TRPM3: variants seen among roughly 807,000 people sequenced by gnomAD.
TRPM3 encodes the protein transient receptor potential cation channel subfamily M member 3.
TRPM3 carries 77 observed loss-of-function variants against 181.2 expected under a neutral mutation model. That is an observed-to-expected ratio of 0.42 (90% CI 0.35 to 0.51). The LOEUF is 0.51. Among genes scored for constraint, TRPM3 ranks in the 20% least tolerant of loss-of-function variants. The pLI, the probability that TRPM3 is intolerant of heterozygous loss-of-function variation, is 0.01. For missense variants in TRPM3, 1,759 were observed against 2,196.7 expected (o/e 0.80, Z 3.98); for synonymous variants, 745 against 796.4 (o/e 0.94, Z 1.09).
At chr9:70,753,583 G>T (rs148460186) in intron 8 of TRPM3, among the ~76,000 whole-genome samples, 305 of 152,278 alleles carry the variant, frequency 2.0e-3, no homozygotes, top group African/African-American at 7.0e-3. Context: ...GAAAGACATA[G>T]TGCAAACTCT....
At chr9:71,179,602 C>T (rs1043551047) in intron 1 of TRPM3, among the ~76,000 whole-genome samples, 1 of 152,070 alleles carries the variant, frequency 6.6e-6, no homozygotes, top group African/African-American at 2.4e-5. Context: ...TCTGTAGAAA[C>T]TGAAACTGTA....
chr9:70,637,583 A>G (rs1168073721), intron 11 of TRPM3, among the ~76,000 whole-genome samples: 6 of 152,006 alleles, frequency 3.9e-5, no homozygotes, highest in Non-Finnish European at 7.4e-5. Flanking sequence ...AAGTCTCAGT[A>G]TGCTGAACCA....
chr9:71,137,026 A>G (rs2074809565), intron 1 of TRPM3, among the ~76,000 whole-genome samples: 1 of 152,214 alleles, frequency 6.6e-6, no homozygotes, highest in African/African-American at 2.4e-5. Flanking sequence ...ATCTGTGTAG[A>G]AAATGGACTG....
chr9:71,088,047 G>A (rs1409275204), intron 1 of TRPM3, among the ~76,000 whole-genome samples: 1 of 151,946 alleles, frequency 6.6e-6, no homozygotes, highest in Non-Finnish European at 1.5e-5. Flanking sequence ...GCTTGATATT[G>A]GGCTAGGTGC....
At chr9:70,554,528 TG>T (rs1312678061) in intron 22 of TRPM3, among the ~76,000 whole-genome samples, 1 of 152,192 alleles carries the variant, frequency 6.6e-6, no homozygotes, top group Non-Finnish European at 1.5e-5. Flanking sequence ...TTCTCAACCC[TG>T]GCTGCCCTGG....
intron 1 of TRPM3, among the ~76,000 whole-genome samples, chr9:71,188,444 AG>A: frequency 6.6e-6 from 1 of 152,052 alleles, no homozygotes; most frequent in South Asian, 2.1e-4. Context: ...ACTGTGTACA[AG>A]CAATTTTATA....
intron 1 of TRPM3, among the ~76,000 whole-genome samples, chr9:71,327,950 G>A (rs1360661246): frequency 2.0e-5 from 3 of 151,980 alleles, no homozygotes; most frequent in African/African-American, 4.8e-5. Flanking sequence ...CAGTTTGCCT[G>A]CTCCACACCA....
At chr9:71,052,578 T>TA (rs2060176648) in intron 1 of TRPM3, among the ~76,000 whole-genome samples, 1 of 152,144 alleles carries the variant, frequency 6.6e-6, no homozygotes, top group Non-Finnish European at 1.5e-5. Context: ...GAAAATCACT[T>TA]ACGCTTCTTG....
intron 9 of TRPM3, among the ~76,000 whole-genome samples, chr9:70,654,174 A>C (rs1316696261): frequency 6.6e-6 from 1 of 152,038 alleles, no homozygotes; most frequent in Non-Finnish European, 1.5e-5. Context: ...CCCAAAATTA[A>C]TCTCAGTTCA....
intron 1 of TRPM3, among the ~76,000 whole-genome samples, chr9:70,927,409 T>A (rs149721549): frequency 2.0e-5 from 3 of 152,234 alleles, no homozygotes; most frequent in East Asian, 3.9e-4. Context: ...TGGGTAAAAT[T>A]TCAGGAAATT....
intron 22 of TRPM3, among the ~76,000 whole-genome samples, chr9:70,577,106 A>G (rs2054239110): frequency 6.6e-6 from 1 of 152,168 alleles, no homozygotes; most frequent in South Asian, 2.1e-4. Context: ...TGACCACCCC[A>G]AAGTATGCTG....
chr9:71,349,068 A>C (rs946880177), intron 1 of TRPM3, among the ~76,000 whole-genome samples: 1 of 152,200 alleles, frequency 6.6e-6, no homozygotes, highest in Admixed American at 6.5e-5. Flanking sequence ...ATGCTCAAGA[A>C]CATCACCTGG....
chr9:71,364,237 C>G (rs961605863), intron 1 of TRPM3, among the ~76,000 whole-genome samples: 24 of 151,594 alleles, frequency 1.6e-4, no homozygotes, highest in African/African-American at 5.1e-4. Context: ...CTCGGGGAAG[C>G]CTTAATATTT....
At chr9:70,541,653 AGG>A (rs2043393855) in intron 25 of TRPM3, among the ~76,000 whole-genome samples, 1 of 152,098 alleles carries the variant, frequency 6.6e-6, no homozygotes, top group African/African-American at 2.4e-5. Flanking sequence ...CTGGGATTAA[AGG>A]CATGCATCAC....
At chr9:71,250,182 C>CT (rs1299835593) in intron 1 of TRPM3, among the ~76,000 whole-genome samples, 1 of 152,042 alleles carries the variant, frequency 6.6e-6, no homozygotes. Context: ...TTTTAGGGAA[C>CT]TTTTTTTCAT....
intron 1 of TRPM3, among the ~76,000 whole-genome samples, chr9:71,038,317 A>G (rs907423730): frequency 6.6e-6 from 1 of 152,230 alleles, no homozygotes; most frequent in African/African-American, 2.4e-5. Context: ...ACGAAATAGA[A>G]GTCCAGACAG....
intron 3 of TRPM3, among the ~76,000 whole-genome samples, chr9:70,848,976 C>CAA (rs749477799): frequency 0.26 from 3,054 of 11,882 alleles, 956 homozygotes; most frequent in East Asian, 0.42. Context: ...GACTCCGTCT[C>CAA]AAAAAAAAAA....
At chr9:70,865,825 G>A (rs776971804) in intron 1 of TRPM3, among the ~76,000 whole-genome samples, 4 of 152,044 alleles carry the variant, frequency 2.6e-5, no homozygotes, top group Non-Finnish European at 4.4e-5. Flanking sequence ...CAGTAATGGT[G>A]AATATCAGAT....
chr9:71,250,800 G>A (rs570421050), intron 1 of TRPM3, among the ~76,000 whole-genome samples: 1 of 152,182 alleles, frequency 6.6e-6, no homozygotes, highest in South Asian at 2.1e-4. Context: ...TTCATTGGGG[G>A]AGGGGAGGTA....
Sources: gnomAD v4.1 joint callset for allele counts (sites outside exome capture counted in the v4.1 genomes callset) on GRCh38, gnomAD v4.1.1 for gene constraint, MANE v1.5 for transcripts, NCBI Gene and HGNC (gene_info 2026-07-23, HGNC 2026-07-21) for gene names.